RBFOX1: variants seen among roughly 807,000 people sequenced by gnomAD.
RBFOX1 encodes RNA binding fox-1 homolog 1.
A neutral mutation model predicts 57.7 loss-of-function variants in RBFOX1; 8 were observed. The observed-to-expected ratio is 0.14, with a 90% CI of 0.08 to 0.25. RBFOX1 has a LOEUF of 0.25. Ranked by LOEUF, RBFOX1 falls within the 10% of genes least tolerant of loss-of-function variation. RBFOX1 has a pLI of 1.00. For missense variants in RBFOX1, 611 were observed against 548.5 expected (o/e 1.11, Z -1.14); for synonymous variants, 326 against 222.4 (o/e 1.47, Z -4.15).
chr16:6,476,794 A>G (rs184928202), intron 2 of RBFOX1, among the ~76,000 whole-genome samples: 1 of 152,346 alleles, frequency 6.6e-6, no homozygotes, highest in East Asian at 1.9e-4. Flanking sequence ...GCTGTTTGAC[A>G]GCATTTTACC....
Position 6,590,720 on chromosome 16 carries a change from T to C in RBFOX1, c.-63-63883T>C, listed in dbSNP as rs574393848. 6.0e-4 allele frequency among the ~76,000 whole-genome samples: 91 copies of C among 152,340 alleles called. 1 individual carries two copies. Among genetic ancestry groups the C allele is most frequent in the Non-Finnish European group, 5.9e-5 (4 of 68,028 alleles). ...TAGAAAATGGGAGGAGGGTTCGTAT[T>C]GACGGTCGTACATTTCCTCAACTTA... On this transcript the variant is annotated intron_variant, in intron 2 of 15. Coordinates refer to ENST00000550418, the MANE Select transcript of RBFOX1 (RefSeq NM_018723.4).
intron 4 of RBFOX1, among the ~76,000 whole-genome samples, chr16:7,180,124 G>A (rs906572365): frequency 1.3e-5 from 2 of 152,056 alleles, no homozygotes; most frequent in African/African-American, 4.8e-5. Context: ...GATATCCATG[G>A]TGAATAGTGT....
At chr16:5,630,028 CAGG>C (rs1451695017) in intron 3 of RBFOX1, among the ~76,000 whole-genome samples, 1 of 152,154 alleles carries the variant, frequency 6.6e-6, no homozygotes, top group Non-Finnish European at 1.5e-5. Flanking sequence ...GTGCTCTTTG[CAGG>C]AGATCAATGC....
intron 3 of RBFOX1, among the ~76,000 whole-genome samples, chr16:6,917,607 C>T (rs544031463): frequency 2.0e-5 from 3 of 151,750 alleles, no homozygotes; most frequent in South Asian, 2.1e-4. Flanking sequence ...ACACCGGCTC[C>T]CTTCCTGCCT....
intron 3 of RBFOX1, among the ~76,000 whole-genome samples, chr16:6,893,961 G>C (rs1307415535): frequency 2.0e-5 from 3 of 152,130 alleles, no homozygotes; most frequent in African/African-American, 7.2e-5. Flanking sequence ...AATTAACCAA[G>C]TGCTATGATG....
At chr16:7,304,366 GGCGGGC>G (rs1311188716) in intron 4 of RBFOX1, 1 of 985,246 alleles carries the variant, frequency 1.0e-6, no homozygotes, top group Non-Finnish European at 1.2e-6. Context: ...ACTCGGGCTC[GGCGGGC>G]GCCAGAGAGA....
At chr16:6,054,904 T>A (rs1258479784) in intron 1 of RBFOX1, among the ~76,000 whole-genome samples, 3 of 152,162 alleles carry the variant, frequency 2.0e-5, no homozygotes, top group African/African-American at 7.2e-5. Context: ...TGCCTCAGCC[T>A]CCCAAGTAGC....
intron 2 of RBFOX1, among the ~76,000 whole-genome samples, chr16:6,557,052 T>TAC (rs1567672307): frequency 4.8e-5 from 7 of 146,912 alleles, no homozygotes; most frequent in Non-Finnish European, 8.9e-5. Flanking sequence ...TATACATATA[T>TAC]ATACATATAT....
intron 1 of RBFOX1, among the ~76,000 whole-genome samples, chr16:6,084,384 TAGCTATGAACAAACACGTCC>T (rs2096056360): frequency 6.6e-6 from 1 of 151,964 alleles, no homozygotes; most frequent in Non-Finnish European, 1.5e-5. Context: ...GCTGGGACCA[TAGCTATGAACAAACACGTCC>T]AGCTATGTTT....
intron 4 of RBFOX1, among the ~76,000 whole-genome samples, chr16:7,142,645 T>G (rs1042423878): frequency 6.6e-6 from 1 of 152,198 alleles, no homozygotes; most frequent in African/African-American, 2.4e-5. Flanking sequence ...GCATTTTGAT[T>G]GATAACAGTT....
At chr16:5,787,968 A>G (rs1267042144) in intron 3 of RBFOX1, among the ~76,000 whole-genome samples, 1 of 152,216 alleles carries the variant, frequency 6.6e-6, no homozygotes, top group East Asian at 1.9e-4. Context: ...CAGACTGTTC[A>G]ATTCTGAGTT....
rs1376452064 is a variant in RBFOX1 at position 7,653,902 on chromosome 16, C to A, written c.845C>A (p.Thr282Asn). The A allele has an allele frequency of 6.3e-7, 1 of 1,588,820 alleles. No homozygotes were observed. The highest frequency in any genetic ancestry group is 1.1e-5 in the South Asian group (1 of 89,980). The change falls in exon 12 of 16, where the codon ACC becomes AAC. Residue 282 changes from threonine (T) to asparagine (N), a missense_variant. By Grantham distance (65) the Thr-to-Asn change is moderately conservative. This residue lies in a region of RBFOX1 where 267 missense variants were observed against 229.1 expected (regional missense o/e 1.17). Coordinates refer to ENST00000550418, the MANE Select transcript of RBFOX1 (RefSeq NM_018723.4). ...GGCCGCGGTCGCACCGTGTACAACA[C>A]CTTCAGGGCCGCGGCGCCCCCGCCC... ...LRGRGRTVYN[T>N]FRAAAPPPPI...
intron 4 of RBFOX1, among the ~76,000 whole-genome samples, chr16:7,428,546 G>A (rs996338304): frequency 5.0e-5 from 7 of 139,070 alleles, no homozygotes; most frequent in Non-Finnish European, 1.1e-4. Context: ...ATTATTTGTA[G>A]TTTTAGTAGA....
intron 3 of RBFOX1, among the ~76,000 whole-genome samples, chr16:6,936,464 C>G (rs924758686): frequency 2.0e-5 from 3 of 152,172 alleles, no homozygotes; most frequent in South Asian, 4.2e-4. Flanking sequence ...ATTATCATTA[C>G]TTTCTTCCTT....
chr16:7,385,848 G>T (rs924392140), intron 4 of RBFOX1, among the ~76,000 whole-genome samples: 4 of 151,994 alleles, frequency 2.6e-5, no homozygotes, highest in Non-Finnish European at 4.4e-5. Flanking sequence ...CCGCCTCCTG[G>T]GTTCAAGCAG....
intron 1 of RBFOX1, among the ~76,000 whole-genome samples, chr16:6,110,471 A>G (rs891949161): frequency 6.6e-6 from 1 of 152,202 alleles, no homozygotes; most frequent in Non-Finnish European, 1.5e-5. Flanking sequence ...ATACCTAAGT[A>G]GTGTGCATTT....
chr16:5,743,901 C>A (rs1004397810), intron 3 of RBFOX1, among the ~76,000 whole-genome samples: 1 of 152,108 alleles, frequency 6.6e-6, no homozygotes. Flanking sequence ...TGATGTCATA[C>A]GGAAGGTCTC....
At position 5,916,374 on chromosome 16, in the gene RBFOX1, TCCTC is replaced by T. The variant is rs149212781; in HGVS notation, c.351+49044_351+49047del. ...CTTGTATTAATTCTCGGTTTCACCT[TCCTC>T]CCTCTCTTATTTCTTTCTTTACCTC... On this transcript the variant is annotated intron_variant, in intron 4 of 19. Coordinates refer to the RBFOX1 transcript ENST00000641259. Among the ~76,000 whole-genome samples, 159 of 152,270 alleles carry T rather than the reference TCCTC, an allele frequency of 1.0e-3. 1 individual carries two copies. The highest frequency in any genetic ancestry group is 3.7e-3 in the African/African-American group (155 of 41,558).
At chr16:5,530,318 C>G (rs1022028975) in intron 2 of RBFOX1, among the ~76,000 whole-genome samples, 1 of 152,138 alleles carries the variant, frequency 6.6e-6, no homozygotes, top group African/African-American at 2.4e-5. Flanking sequence ...TCATTTATTG[C>G]TCTTATCGAC....
Sources: gnomAD v4.1 joint callset for allele counts (sites outside exome capture counted in the v4.1 genomes callset) on GRCh38, gnomAD v4.1.1 for gene constraint, gnomAD v4.1.1 regional missense constraint, MANE v1.5 for transcripts, NCBI Gene and HGNC (gene_info 2026-07-23, HGNC 2026-07-21) for gene names.